Variants in TBC1D15 observed in about 807,000 individuals in gnomAD.
The protein encoded by TBC1D15 is TBC1 domain family member 15.
TBC1D15 carries 39 observed loss-of-function variants against 95.4 expected under a neutral mutation model. The ratio of observed to expected loss-of-function variants is 0.41; its 90% CI spans 0.32 to 0.53. The LOEUF (loss-of-function observed/expected upper bound fraction) is 0.53. Among genes scored for constraint, TBC1D15 ranks in the 20% least tolerant of loss-of-function variants. The pLI is 0.29. For missense variants in TBC1D15, 733 were observed against 794.3 expected (o/e 0.92, Z 0.93); for synonymous variants, 258 against 261.3 (o/e 0.99, Z 0.12).
At chr12:71,911,796 A>AAAAAT (rs145310326) in intron 11 of TBC1D15, among the ~76,000 whole-genome samples, 4,162 of 151,714 alleles carry the variant, frequency 0.027, 194 homozygotes, top group African/African-American at 0.094. Context: ...TAAAAATAAA[A>AAAAAT]AAAATAAAAT....
At chr12:71,905,643 T>C (rs920797967) in intron 10 of TBC1D15, among the ~76,000 whole-genome samples, 7 of 152,108 alleles carry the variant, frequency 4.6e-5, no homozygotes, top group Admixed American at 2.6e-4. Context: ...ACATTTCTAA[T>C]TGCAATTTTA....
At chr12:71,849,988 AC>A in intron 1 of TBC1D15, 1 of 512,726 alleles carries the variant, frequency 2.0e-6, no homozygotes, top group Non-Finnish European at 3.8e-6. Flanking sequence ...ATAGCTCTAA[AC>A]TCAAAAAATT....
chr12:71,867,576 G>T (rs1285457809), intron 1 of TBC1D15, among the ~76,000 whole-genome samples: 1 of 152,140 alleles, frequency 6.6e-6, no homozygotes, highest in Non-Finnish European at 1.5e-5. Flanking sequence ...TCTGAATTTT[G>T]GAATATTTGC....
intron 5 of TBC1D15, among the ~76,000 whole-genome samples, chr12:71,887,792 A>T (rs967315632): frequency 1.3e-5 from 2 of 152,216 alleles, no homozygotes; most frequent in African/African-American, 4.8e-5. Flanking sequence ...TTACTCTAGA[A>T]TGTATACTTC....
chr12:71,903,172 C>T (rs911544567), intron 10 of TBC1D15, among the ~76,000 whole-genome samples: 2 of 152,140 alleles, frequency 1.3e-5, no homozygotes, highest in East Asian at 1.9e-4. Flanking sequence ...CCTTGGCCTC[C>T]CAAAGTGCTG....
At chr12:71,904,429 G>GC (rs1404587915) in intron 10 of TBC1D15, among the ~76,000 whole-genome samples, 1 of 152,154 alleles carries the variant, frequency 6.6e-6, no homozygotes. Context: ...AAATGAGCTA[G>GC]CAGAGGGAAA....
At chr12:71,852,657 C>T (rs561927813) in intron 1 of TBC1D15, among the ~76,000 whole-genome samples, 11 of 152,276 alleles carry the variant, frequency 7.2e-5, no homozygotes, top group African/African-American at 2.6e-4. Context: ...CCACTGGATA[C>T]CCTAAATCAT....
intron 5 of TBC1D15, 61 bp from the exon 6 acceptor site, chr12:71,893,161 G>A: frequency 1.8e-6 from 1 of 544,730 alleles, no homozygotes; most frequent in Non-Finnish European, 2.8e-6. Flanking sequence ...GTTAGTAATT[G>A]TTCATGTAGT....
intron 1 of TBC1D15, chr12:71,854,530 T>G (rs1388725476): frequency 2.2e-6 from 1 of 456,380 alleles, no homozygotes; most frequent in Non-Finnish European, 4.4e-6. Context: ...TGGCCTGCAT[T>G]AATTCTCTTT....
At chr12:71,896,532 A>AG (rs1222596687) in intron 8 of TBC1D15, 145 bp from the exon 9 acceptor site, 5 of 687,966 alleles carry the variant, frequency 7.3e-6, no homozygotes, top group African/African-American at 5.5e-5. Flanking sequence ...GAAGTAAAAA[A>AG]CAAGATGATA....
rs1870253254 is a variant in TBC1D15 at position 71,923,668 on chromosome 12, A to AC, written c.*465dup. On this transcript the variant is annotated 3_prime_UTR_variant, in exon 17 of 17. Coordinates refer to ENST00000485960, the MANE Select transcript of TBC1D15 (RefSeq NM_001146213.3). ...AGGATTTTTTTCTCTATTGTTTACG[A>AC]CAGTACTCAGCTTAAATATTTATGC... 6.4e-6 allele frequency: 1 copy of AC among 156,394 alleles called. No individual in the cohort carries two copies. Among genetic ancestry groups the AC allele is most frequent in the African/African-American group, 2.4e-5 (1 of 41,490 alleles). 9.7% of individuals were successfully genotyped at this position (156,394 alleles called of 1,614,324 possible).
At chr12:71,891,885 G>A (rs1280590049) in intron 5 of TBC1D15, among the ~76,000 whole-genome samples, 1 of 152,030 alleles carries the variant, frequency 6.6e-6, no homozygotes, top group Non-Finnish European at 1.5e-5. Flanking sequence ...TATATGTATA[G>A]GCAGTGGTTT....
intron 1 of TBC1D15, among the ~76,000 whole-genome samples, chr12:71,871,165 T>G (rs1892592871): frequency 6.6e-6 from 1 of 152,188 alleles, no homozygotes; most frequent in African/African-American, 2.4e-5. Context: ...ATGTTTAAAC[T>G]TACTTAGGAG....
intron 1 of TBC1D15, among the ~76,000 whole-genome samples, chr12:71,864,944 G>A (rs1891170714): frequency 1.3e-5 from 2 of 152,230 alleles, no homozygotes; most frequent in African/African-American, 2.4e-5. Context: ...AGTGGCGTAG[G>A]TTGTAGAATT....
chr12:71,845,317 G>A (rs2137814837), intron 1 of TBC1D15, among the ~76,000 whole-genome samples: 1 of 152,244 alleles, frequency 6.6e-6, no homozygotes, highest in Admixed American at 6.5e-5. Context: ...GCAGATTATT[G>A]GAAGGTGACT....
intron 1 of TBC1D15, chr12:71,849,449 A>G (rs1887203039): frequency 9.5e-7 from 1 of 1,054,186 alleles, no homozygotes; most frequent in African/African-American, 1.6e-5. Flanking sequence ...GGGCCTCTTC[A>G]AGGGAAGATT....
intron 1 of TBC1D15, among the ~76,000 whole-genome samples, chr12:71,859,226 T>G (rs1413104034): frequency 6.6e-6 from 1 of 152,200 alleles, no homozygotes; most frequent in Non-Finnish European, 1.5e-5. Context: ...TTGCTCTGAA[T>G]ATAAACTTCC....
chr12:71,868,933 A>T (rs1377832418), intron 1 of TBC1D15: 2 of 152,174 alleles, frequency 1.3e-5, no homozygotes, highest in African/African-American at 4.8e-5. Context: ...TATGTCTCTG[A>T]TCCATTTGTC....
At chr12:71,883,575 T>C (rs1015236235) in intron 4 of TBC1D15, among the ~76,000 whole-genome samples, 1 of 152,168 alleles carries the variant, frequency 6.6e-6, no homozygotes, top group Non-Finnish European at 1.5e-5. Context: ...TTAGAGATGA[T>C]TGCAGATAGG....
Sources: allele counts gnomAD v4.1 joint callset (sites outside exome capture counted in the v4.1 genomes callset), GRCh38; gene constraint gnomAD v4.1.1; transcripts MANE v1.5; gene names NCBI Gene and HGNC (gene_info 2026-07-23, HGNC 2026-07-21).